HECW1: variants seen among roughly 807,000 people sequenced by gnomAD.
HECW1 encodes the protein HECT, C2 and WW domain containing E3 ubiquitin protein ligase 1, also known as E3 ubiquitin-protein ligase HECW1.
Under a neutral mutation model 182.3 loss-of-function variants are expected in HECW1, and 61 were observed. That is an observed-to-expected ratio of 0.33 (90% CI 0.27 to 0.41). HECW1 has a LOEUF of 0.41. Ranked by LOEUF, HECW1 falls within the 10% of genes least tolerant of loss-of-function variation. The probability of loss-of-function intolerance (pLI) is 1.00; values close to 1 mark genes in which losing one functional copy is unlikely to be tolerated. For missense variants in HECW1, 1,739 were observed against 2,108.9 expected, an observed-to-expected ratio of 0.82 and a Z score of 3.44; for synonymous variants, 859 against 832.6, an observed-to-expected ratio of 1.03 and a Z score of -0.55.
intron 3 of HECW1, among the ~76,000 whole-genome samples, chr7:43,273,536 T>C (rs1802687273): frequency 6.6e-6 from 1 of 152,178 alleles, no homozygotes; most frequent in Non-Finnish European, 1.5e-5. Context: ...AAAAAAACTT[T>C]AAGATATATT....
intron 8 of HECW1, among the ~76,000 whole-genome samples, chr7:43,420,741 G>A (rs906425695): frequency 3.3e-5 from 5 of 152,172 alleles, no homozygotes; most frequent in South Asian, 2.1e-4. Flanking sequence ...AAATCTAACT[G>A]CAGAGGAGGA....
rs1421808384 is a variant in HECW1, at chr7:43,511,716, G to A, written c.4019+2595G>A. 4 of 165,964 alleles carry A rather than the reference G, an allele frequency of 2.4e-5. No homozygotes were observed. The Admixed American group carries it at 2.6e-4, about 11-fold the overall frequency. 10.3% of individuals were successfully genotyped at this position (165,964 alleles called of 1,614,324 possible). A position where few individuals can be genotyped will look rare whatever the true frequency, so the allele number is the denominator to read the frequency against. ...CAGTTATTCCTTTTGTTTATTTTTT[G>A]TTATTTTCTTGTGCCATGTGGCAAA... is the stretch of plus-strand genomic sequence containing the variant. On this transcript the variant is annotated intron_variant, in intron 24 of 29. Transcript: ENST00000395891.
At chr7:43,401,869 T>C (rs528649924) in intron 7 of HECW1, among the ~76,000 whole-genome samples, 1 of 151,910 alleles carries the variant, frequency 6.6e-6, no homozygotes, top group Admixed American at 6.6e-5. Flanking sequence ...CCCCTCTATC[T>C]TGTACCCATA....
At chr7:43,215,698 A>G (rs537207981) in intron 2 of HECW1, among the ~76,000 whole-genome samples, 45 of 152,330 alleles carry the variant, frequency 3.0e-4, no homozygotes, top group African/African-American at 8.9e-4. Context: ...TAAATGGTCC[A>G]TGGATATTAG....
intron 17 of HECW1, 102 bp from the exon 18 acceptor site, chr7:43,491,973 G>A (rs1252044664): frequency 2.5e-6 from 2 of 787,460 alleles, no homozygotes; most frequent in Non-Finnish European, 4.2e-6. Context: ...TTCAACTTAG[G>A]TGACTTCAAA....
intron 3 of HECW1, among the ~76,000 whole-genome samples, chr7:43,262,224 A>T (rs1801249954): frequency 3.5e-5 from 5 of 143,232 alleles, no homozygotes; most frequent in Admixed American, 2.8e-4. Context: ...CTGTCTCAAA[A>T]AATATATATA....
At chr7:43,247,751 G>T (rs1799529892) in intron 3 of HECW1, among the ~76,000 whole-genome samples, 1 of 90,512 alleles carries the variant, frequency 1.1e-5, no homozygotes, top group African/African-American at 4.1e-5. Flanking sequence ...AGGAGGGAGG[G>T]AGGAAGGGAA....
chr7:43,335,970 CCTCT>C (rs145924973), intron 5 of HECW1, among the ~76,000 whole-genome samples: 127 of 136,176 alleles, frequency 9.3e-4, no homozygotes, highest in African/African-American at 3.0e-3. Context: ...CCTTCCTTTC[CCTCT>C]CTCTCTCTTT....
At chr7:43,561,353 G>A (rs1370111071) in intron 29 of HECW1, among the ~76,000 whole-genome samples, 6 of 152,330 alleles carry the variant, frequency 3.9e-5, no homozygotes, top group Admixed American at 3.9e-4. Context: ...GACTTGAATG[G>A]AGAACTGGAT....
chr7:43,519,300 C>T (rs1326980378), intron 24 of HECW1, among the ~76,000 whole-genome samples: 1 of 151,874 alleles, frequency 6.6e-6, no homozygotes, highest in Non-Finnish European at 1.5e-5. Context: ...GGCTGGAGTG[C>T]AATGGCACGA....
chr7:43,333,357 A>G (rs888265417), intron 5 of HECW1, among the ~76,000 whole-genome samples: 7 of 152,224 alleles, frequency 4.6e-5, no homozygotes, highest in African/African-American at 1.7e-4. Context: ...ATTAAAAGAA[A>G]AGGCAACACA....
intron 9 of HECW1, chr7:43,439,941 C>T (rs182801621): frequency 6.6e-6 from 1 of 152,350 alleles, no homozygotes; most frequent in African/African-American, 2.4e-5. Flanking sequence ...GCCATGGAGG[C>T]GTTTTTCCTC....
intron 3 of HECW1, among the ~76,000 whole-genome samples, chr7:43,262,070 A>T (rs1158158563): frequency 6.6e-6 from 1 of 152,048 alleles, no homozygotes; most frequent in Non-Finnish European, 1.5e-5. Flanking sequence ...AAAACACAAA[A>T]ATTAGCCAAG....
chr7:43,499,097 A>T (rs1217700508), intron 19 of HECW1, among the ~76,000 whole-genome samples: 1 of 151,980 alleles, frequency 6.6e-6, no homozygotes, highest in Non-Finnish European at 1.5e-5. Context: ...CCTGCGCAAC[A>T]TGGTGAAACC....
chr7:43,449,861 G>T (rs940407627), intron 11 of HECW1, among the ~76,000 whole-genome samples: 2 of 152,200 alleles, frequency 1.3e-5, no homozygotes, highest in African/African-American at 2.4e-5. Flanking sequence ...CTCTGATTAT[G>T]TGACCCAAGC....
intron 24 of HECW1, among the ~76,000 whole-genome samples, chr7:43,513,603 C>T (rs879820540): frequency 2.6e-5 from 4 of 151,744 alleles, no homozygotes; most frequent in East Asian, 1.9e-4. Flanking sequence ...TTGAGACATA[C>T]GAATATGAAT....
intron 3 of HECW1, among the ~76,000 whole-genome samples, chr7:43,299,454 G>T (rs182236487): frequency 2.0e-5 from 3 of 152,154 alleles, no homozygotes; most frequent in East Asian, 3.9e-4. Flanking sequence ...TGAAAATACT[G>T]TCCAAAATCC....
In HECW1 at chr7:43,432,391, G is replaced by A. The variant is rs897335897; in HGVS notation, c.802-5612G>A. 2.0e-5 allele frequency among the ~76,000 whole-genome samples: 3 copies of A among 151,624 alleles called. No homozygotes were observed. The highest frequency in any genetic ancestry group is 1.9e-4 in the East Asian group (1 of 5,140). The stretch of plus-strand genomic sequence containing the variant: ...CCTGACCTCGTGATCCGCCCGCCTC[G>A]GCCTCCCAAAGTGCTGGGATTACAG... On this transcript the variant is annotated intron_variant, in intron 8 of 29. Transcript: ENST00000395891. This position sits in a 1 kb window ranked among gnomAD's most constrained non-coding sequence, Gnocchi z 4.1.
chr7:43,125,997 A>C (rs557514291), intron 2 of HECW1, among the ~76,000 whole-genome samples: 44 of 150,704 alleles, frequency 2.9e-4, no homozygotes, highest in African/African-American at 9.0e-4. Flanking sequence ...GCCATGGGAA[A>C]TGGTCCAAAA....
Sources: gnomAD v4.1 joint callset for allele counts (sites outside exome capture counted in the v4.1 genomes callset) on GRCh38, gnomAD v4.1.1 for gene constraint, Gnocchi (gnomAD v3.1) non-coding constraint, MANE v1.5 for transcripts, NCBI Gene and HGNC (gene_info 2026-07-23, HGNC 2026-07-21) for gene names.